The following NEU3 variants were observed in gnomAD, a reference collection of about 807,000 sequenced individuals.
NEU3 encodes the protein sialidase-3.
Under a neutral mutation model 11.4 loss-of-function variants are expected in NEU3, and 10 were observed. That is an observed-to-expected ratio of 0.88 (90% CI 0.54 to 1.49). The LOEUF is 1.49. Ranked by LOEUF, NEU3 falls within the 40% of genes most tolerant of loss-of-function variation. The pLI is 0.00. For missense variants in NEU3, 529 were observed against 581.8 expected (o/e 0.91, Z 0.93); for synonymous variants, 212 against 228.2 (o/e 0.93, Z 0.64).
At position 75,005,874 on chromosome 11, in the gene NEU3, A is replaced by C. The variant is rs1386075649; in HGVS notation, c.768A>C (p.Thr256=). 6.2e-7 allele frequency: 1 copy of C among 1,613,842 alleles called. No homozygotes were observed. The highest frequency in any genetic ancestry group is 8.5e-7 in the Non-Finnish European group (1 of 1,179,876). ...HHGRLIRPMV[T]VECEVAEVTG... ...GTAGACTCATTAGGCCCATGGTTAC[A>C]GTAGAATGTGAAGTGGCAGAGGTGA... The change falls in exon 3 of 3, where the codon ACA becomes ACC. Residue 256 remains threonine, a synonymous_variant. Coordinates refer to ENST00000294064, the MANE Select transcript of NEU3 (RefSeq NM_006656.6).
rs1328672177 is a variant in NEU3, at chr11:75,006,398, C to T, written c.1292C>T (p.Ala431Val). ...ACCAAGCAAGAGTGTGAGCAGATTG[C>T]CTTCCGCCTGTTTACACACCGGGAG... ...CGTKQECEQI[A>V]FRLFTHREIL... Residue 431 changes from alanine to valine, a missense_variant, in exon 3 of 3, where the codon GCC becomes GTC. Transcript: ENST00000294064. 2 of 1,613,942 alleles carry T rather than the reference C, an allele frequency of 1.2e-6. No homozygotes were observed. Among genetic ancestry groups the T allele is most frequent in the Non-Finnish European group, 1.7e-6 (2 of 1,179,884 alleles).
downstream of NEU3, among the ~76,000 whole-genome samples, chr11:75,013,944 G>T (rs1948970716): frequency 6.6e-6 from 1 of 152,194 alleles, no homozygotes; most frequent in African/African-American, 2.4e-5. Flanking sequence ...CAAAGATAGT[G>T]CCTCTTAAGT....
At chr11:75,014,578 T>C (rs564076662), downstream of NEU3, among the ~76,000 whole-genome samples, 2 of 152,278 alleles carry the variant, frequency 1.3e-5, no homozygotes, top group East Asian at 3.9e-4. Context: ...AGGTTTTTCA[T>C]CTGTAAAAAC....
At chr11:75,000,482 G>T (rs937888130) in intron 2 of NEU3, among the ~76,000 whole-genome samples, 1 of 152,068 alleles carries the variant, frequency 6.6e-6, no homozygotes, top group African/African-American at 2.4e-5. Flanking sequence ...GAATTGTATA[G>T]TGTTTGTCTT....
upstream of NEU3, among the ~76,000 whole-genome samples, chr11:74,987,589 G>A (rs1948678924): frequency 1.3e-5 from 2 of 152,138 alleles, no homozygotes; most frequent in South Asian, 2.1e-4. Context: ...CGAGGCGGGC[G>A]GATCACGAGG....
rs1378048009 is a variant in NEU3 at position 75,006,596 on chromosome 11, C to T, written c.*104C>T. ...ATCAAAAAACTTAATATTCTGTTCC[C>T]TACCTTTTTTCACTTTTCCTCCTCC... On this transcript the variant is annotated 3_prime_UTR_variant, in exon 3 of 3. Transcript: ENST00000294064. 2.8e-5 allele frequency: 38 copies of T among 1,368,070 alleles called. No individual in the cohort carries two copies. The highest frequency in any genetic ancestry group is 3.3e-5 in the Non-Finnish European group (34 of 1,029,078). The allele number at this position is 1,368,070 out of a possible 1,614,324, so 84.7% of individuals were successfully genotyped here. A position where few individuals can be genotyped will look rare whatever the true frequency, so the allele number is the denominator to read the frequency against.
intron 3 of NEU3, among the ~76,000 whole-genome samples, chr11:75,018,253 C>T (rs76899315): frequency 6.6e-6 from 1 of 152,096 alleles, no homozygotes; most frequent in Non-Finnish European, 1.5e-5. Context: ...TGTTCTCCCC[C>T]TCCCTGCCTT....
At chr11:74,990,294 CTTG>C in intron 1 of NEU3, 1 of 401,818 alleles carries the variant, frequency 2.5e-6, no homozygotes, top group Non-Finnish European at 4.5e-6. Context: ...GGAGCTGAGA[CTTG>C]AATCCAGCCC....
In NEU3 at chr11:75,008,108, C is replaced by T. The variant is rs761206586; in HGVS notation, c.*1616C>T. ...GTAATCTTCCCAATACACAATTATTCACTCATGTATACATTTATCTAAATA... is the reference window on the plus strand; with the variant it reads ...GTAATCTTCCCAATACACAATTATTTACTCATGTATACATTTATCTAAATA... On this transcript the variant is annotated 3_prime_UTR_variant, in exon 3 of 3. Transcript: ENST00000294064. 1 of 152,174 alleles carries T rather than the reference C, an allele frequency of 6.6e-6. No homozygotes were observed. Among genetic ancestry groups the T allele is most frequent in the African/African-American group, 2.4e-5 (1 of 41,430 alleles). 9.4% of individuals were successfully genotyped at this position (152,174 alleles called of 1,614,324 possible).
chr11:75,004,724 T>A (rs890039098), intron 2 of NEU3, among the ~76,000 whole-genome samples: 3 of 152,192 alleles, frequency 2.0e-5, no homozygotes, highest in Admixed American at 6.5e-5. Flanking sequence ...ACAAAATAAG[T>A]GATGAAAGCA....
At chr11:75,017,967 C>T (rs1374402444) in intron 3 of NEU3, among the ~76,000 whole-genome samples, 1 of 152,122 alleles carries the variant, frequency 6.6e-6, no homozygotes, top group Non-Finnish European at 1.5e-5. Context: ...GTTATGCTTG[C>T]AATGAAGAGG....
rs1439677 is a variant in NEU3, at chr11:75,009,613, G to T, written c.*3121G>T. The T allele has an allele frequency of 0.038, 5,727 of 152,374 alleles. 105 individuals are homozygous for T. Among genetic ancestry groups the T allele is most frequent in the Middle Eastern group, 0.054 (16 of 296 alleles). The allele number at this position is 152,374 out of a possible 1,614,324, so 9.4% of individuals were successfully genotyped here. A position where few individuals can be genotyped will look rare whatever the true frequency, so the allele number is the denominator to read the frequency against. ...CTATAATCTACAGGCATGTAGAGAG[G>T]ACTACATAGGCCTCTGTTCTTTGCC... On this transcript the variant is annotated 3_prime_UTR_variant, in exon 3 of 3. Transcript: ENST00000294064.
chr11:74,995,971 T>C (rs1207523535), intron 2 of NEU3, among the ~76,000 whole-genome samples: 1 of 151,948 alleles, frequency 6.6e-6, no homozygotes, highest in East Asian at 1.9e-4. Flanking sequence ...CTGGGCAACA[T>C]AGCAAGACCT....
chr11:74,994,482 A>T, intron 1 of NEU3, 27 bp from the exon 2 acceptor site: 1 of 1,560,650 alleles, frequency 6.4e-7, no homozygotes, highest in East Asian at 2.3e-5. Flanking sequence ...GTATGGACAC[A>T]CATTAAGCTT....
chr11:75,001,035 G>A (rs550792137), intron 2 of NEU3, among the ~76,000 whole-genome samples: 41 of 152,116 alleles, frequency 2.7e-4, no homozygotes, highest in Non-Finnish European at 5.0e-4. Context: ...AAACTGGCAT[G>A]CCATTTTCCA....
downstream of NEU3, among the ~76,000 whole-genome samples, chr11:75,019,302 G>A (rs1234492584): frequency 6.6e-6 from 1 of 152,244 alleles, no homozygotes; most frequent in Non-Finnish European, 1.5e-5. Flanking sequence ...ATGTCTCCAG[G>A]GCATGTCAGA....
rs187536215 is a variant in NEU3, at chr11:74,996,104, C to T, written c.306+1384C>T. On this transcript the variant is annotated intron_variant, in intron 2 of 2. Coordinates refer to ENST00000294064, the MANE Select transcript of NEU3 (RefSeq NM_006656.6). ...AGAAGTTCAAGGCTCCAGTGAGCTG[C>T]GATTGTGCCACTGCCCTCCCGCCTG... Among the ~76,000 whole-genome samples, 20 of 152,184 alleles carry T rather than the reference C, an allele frequency of 1.3e-4. No homozygotes were observed. The East Asian group carries it at 2.1e-3, about 16-fold the overall frequency.
downstream of NEU3, among the ~76,000 whole-genome samples, chr11:75,014,459 T>C (rs1297136976): frequency 6.6e-6 from 1 of 152,194 alleles, no homozygotes; most frequent in Non-Finnish European, 1.5e-5. Context: ...TGGATGTTCC[T>C]TCACACATCA....
At chr11:75,014,524 C>T (rs1161569039), downstream of NEU3, among the ~76,000 whole-genome samples, 1 of 152,164 alleles carries the variant, frequency 6.6e-6, no homozygotes, top group Admixed American at 6.5e-5. Context: ...ACCTGCAAAT[C>T]AGGAAACTGA....
Sources: allele counts gnomAD v4.1 joint callset (sites outside exome capture counted in the v4.1 genomes callset), GRCh38; gene constraint gnomAD v4.1.1; transcripts MANE v1.5; gene names NCBI Gene and HGNC (gene_info 2026-07-23, HGNC 2026-07-21).